The following NCOR2 variants were observed in gnomAD, a reference collection of about 807,000 sequenced individuals.
The protein encoded by NCOR2 is nuclear receptor corepressor 2.
A neutral mutation model predicts 262.9 loss-of-function variants in NCOR2; 81 were observed. The observed-to-expected ratio is 0.31, with a 90% confidence interval of 0.26 to 0.37. NCOR2 has a LOEUF of 0.37. NCOR2 is among the 10% of genes least tolerant of loss of function. NCOR2 has a pLI of 1.00. For missense variants in NCOR2, 3,385 were observed against 3,621.4 expected (o/e 0.93, Z 1.68); for synonymous variants, 1,659 against 1,559.3 (o/e 1.06, Z -1.51).
At chr12:124,429,820 C>A (rs1015765831) in intron 9 of NCOR2, 114 bp from the exon 12 acceptor site, 2 of 1,039,194 alleles carry the variant, frequency 1.9e-6, no homozygotes, top group Non-Finnish European at 1.4e-6. Flanking sequence ...GTGTGGGCAG[C>A]GGCCAGCAGA....
intron 1 of NCOR2, among the ~76,000 whole-genome samples, chr12:124,562,836 G>A (rs2052116076): frequency 6.6e-6 from 1 of 152,142 alleles, no homozygotes; most frequent in South Asian, 2.1e-4. Context: ...TTTACACAAG[G>A]AATTCTATAG....
chr12:124,513,996 C>A (rs1206006102), intron 1 of NCOR2: 2 of 152,258 alleles, frequency 1.3e-5, no homozygotes, highest in African/African-American at 4.8e-5. Context: ...TCAGGCACAA[C>A]TGTCTCCTAA....
intron 32 of NCOR2, among the ~76,000 whole-genome samples, chr12:124,344,294 G>T (rs543138928): frequency 3.8e-4 from 58 of 152,314 alleles, no homozygotes; most frequent in African/African-American, 1.3e-3. Context: ...GCAGGGAAGT[G>T]GAATAATATG....
chr12:124,347,153 G>A (rs748704231), intron 30 of NCOR2, among the ~76,000 whole-genome samples: 1 of 152,238 alleles, frequency 6.6e-6, no homozygotes, highest in African/African-American at 2.4e-5. Flanking sequence ...CAGACAGCTT[G>A]AGCTCAGGAG....
intron 22 of NCOR2, among the ~76,000 whole-genome samples, chr12:124,359,300 C>G (rs540509673): frequency 6.6e-6 from 1 of 152,208 alleles, no homozygotes; most frequent in East Asian, 1.9e-4. Flanking sequence ...TCATCTATCA[C>G]GCCGCCTCCA....
chr12:124,337,006 A>G (rs765055817), exon 38 of NCOR2: 6 of 1,509,794 alleles, frequency 4.0e-6, no homozygotes, highest in Non-Finnish European at 5.3e-6. Context: ...CGAGGAAGGC[A>G]TGGCCGGTGT....
chr12:124,490,777 C>T (rs566570029), intron 1 of NCOR2, among the ~76,000 whole-genome samples: 17 of 152,338 alleles, frequency 1.1e-4, no homozygotes, highest in South Asian at 4.1e-4. Context: ...CAAAGGTCTG[C>T]AACGTTGCCA....
At chr12:124,388,834 GC>G (rs2136132220) in intron 16 of NCOR2, 1 of 1,280,140 alleles carries the variant, frequency 7.8e-7, no homozygotes, top group African/African-American at 1.6e-5. Flanking sequence ...TGGCGGCTCA[GC>G]TCAGCCTCAC....
chr12:124,369,556 C>G (rs1043548619), intron 20 of NCOR2, among the ~76,000 whole-genome samples: 2 of 152,086 alleles, frequency 1.3e-5, no homozygotes, highest in Non-Finnish European at 2.9e-5. Context: ...CTCCAGCGTC[C>G]GCCCGGCCCT....
intron 7 of NCOR2, among the ~76,000 whole-genome samples, chr12:124,442,101 G>A (rs2044843076): frequency 6.6e-6 from 1 of 152,214 alleles, no homozygotes; most frequent in Non-Finnish European, 1.5e-5. Flanking sequence ...TTAGCAGAGG[G>A]TCATGTGCCA....
chr12:124,372,969 A>T (rs2039621299), intron 19 of NCOR2, among the ~76,000 whole-genome samples: 1 of 152,220 alleles, frequency 6.6e-6, no homozygotes, highest in Admixed American at 6.5e-5. Context: ...CCATGTTCTC[A>T]TCTGAGCTCT....
chr12:124,360,564 A>G (rs1360883855), intron 22 of NCOR2, among the ~76,000 whole-genome samples: 2 of 152,156 alleles, frequency 1.3e-5, no homozygotes, highest in African/African-American at 4.8e-5. Context: ...AAATCCCTCC[A>G]GCAGCCCCTG....
rs989747872 is a variant in NCOR2 at position 124,481,497 on chromosome 12, G to A, written c.411+2099C>T. ...CTCCCCTGCCATGCAGGCCCTGGAG[G>A]GCAGCCAGGGCTGGAAGGAGCGAGG... On this transcript the variant is annotated intron_variant, in intron 3 of 46. Coordinates refer to ENST00000405201, the Ensembl canonical transcript of NCOR2. This position sits in a 1 kb window ranked among gnomAD's most constrained non-coding sequence, Gnocchi z 4.6. Among the ~76,000 whole-genome samples the A allele has an allele frequency of 6.6e-6, 1 of 152,212 alleles. No homozygotes were observed. The highest frequency in any genetic ancestry group is 2.1e-4 in the South Asian group (1 of 4,836).
chr12:124,534,309 T>C (rs1375406059), intron 1 of NCOR2, among the ~76,000 whole-genome samples: 1 of 151,994 alleles, frequency 6.6e-6, no homozygotes, highest in Non-Finnish European at 1.5e-5. Context: ...ATACAAAAAT[T>C]AGCCAGGCGT....
In NCOR2 at chr12:124,486,595, A is replaced by G. The variant is rs1279320005; in HGVS notation, c.106-27T>C. On this transcript the variant is annotated intron_variant, in intron 1 of 46. Coordinates refer to ENST00000405201, the Ensembl canonical transcript of NCOR2. ...TGCAGGAGGGGACAGAGGAGTGGTG[A>G]GCGTGGGCGGGCACGGGCATGGCGG... 5.2e-6 allele frequency: 8 copies of G among 1,547,364 alleles called. No individual in the cohort carries two copies. In the Admixed American group the frequency reaches 1.6e-4, roughly 30 times the overall value.
At chr12:124,530,579 G>A (rs2050724380) in intron 1 of NCOR2, among the ~76,000 whole-genome samples, 1 of 152,108 alleles carries the variant, frequency 6.6e-6, no homozygotes, top group Non-Finnish European at 1.5e-5. Flanking sequence ...TTCCTAAACT[G>A]GCCCTCAAGT....
At chr12:124,412,842 C>T (rs2042655055) in intron 13 of NCOR2, among the ~76,000 whole-genome samples, 4 of 152,210 alleles carry the variant, frequency 2.6e-5, no homozygotes, top group Non-Finnish European at 4.4e-5. Flanking sequence ...CCAGCCCTTC[C>T]GGTGATTCCG....
intron 18 of NCOR2, among the ~76,000 whole-genome samples, chr12:124,376,498 G>A (rs568793661): frequency 2.6e-4 from 39 of 152,310 alleles, no homozygotes; most frequent in African/African-American, 8.9e-4. Flanking sequence ...AAAATGGGAC[G>A]ACCCAAGGGA....
chr12:124,474,858 C>G (rs1041918511), intron 3 of NCOR2, among the ~76,000 whole-genome samples: 3 of 152,142 alleles, frequency 2.0e-5, no homozygotes, highest in African/African-American at 7.2e-5. Flanking sequence ...AGACAAGGCC[C>G]AGAGCAGCGC....
Sources: allele counts gnomAD v4.1 joint callset (sites outside exome capture counted in the v4.1 genomes callset), GRCh38; gene constraint gnomAD v4.1.1; non-coding constraint Gnocchi (gnomAD v3.1); transcripts MANE v1.5; gene names NCBI Gene and HGNC (gene_info 2026-07-23, HGNC 2026-07-21).